SUZ12: variants seen among roughly 807,000 people sequenced by gnomAD.
The protein encoded by SUZ12 is SUZ12 polycomb repressive complex 2 subunit.
SUZ12 carries 17 observed loss-of-function variants against 87.3 expected under a neutral mutation model. The observed-to-expected ratio is 0.19, with a 90% CI of 0.13 to 0.29. SUZ12 has a LOEUF of 0.29. Ranked by LOEUF, SUZ12 falls within the 10% of genes least tolerant of loss-of-function variation. The pLI is 1.00. For synonymous variants in SUZ12, 253 were observed against 312.4 expected (o/e 0.81, Z 2.01); for missense variants, 526 against 912.2 (o/e 0.58, Z 5.45).
intron 1 of SUZ12, among the ~76,000 whole-genome samples, chr17:31,938,586 G>A (rs537949272): frequency 1.7e-4 from 26 of 152,310 alleles, no homozygotes; most frequent in African/African-American, 5.8e-4. Flanking sequence ...TATTGAACCT[G>A]CTTCAGAGAG....
In SUZ12 at chr17:31,937,428, C is replaced by A. The variant is rs746893649; in HGVS notation, c.182C>A (p.Ala61Glu). The A allele has an allele frequency of 1.9e-6, 3 of 1,542,666 alleles. No individual in the cohort carries two copies. The highest frequency in any genetic ancestry group is 8.7e-7 in the Non-Finnish European group (1 of 1,144,862). The change falls in exon 1 of 16, where the codon GCG (alanine) becomes GAG (glutamate). Residue 61 changes from alanine to glutamate, a missense_variant. This residue lies in a region of SUZ12 where 92 missense variants were observed against 109.9 expected (regional missense o/e 0.84). Transcript: ENST00000322652. ...SYSASSSSSA[A>E]AAAGAAVLPV... ...TCGGCCTCCTCCTCCTCCTCCGCGG[C>A]GGCAGCGGCGGGGGCTGCGGTGTTA...
chr17:31,984,143 C>T (rs1410508033), intron 9 of SUZ12, among the ~76,000 whole-genome samples: 1 of 152,090 alleles, frequency 6.6e-6, no homozygotes, highest in Non-Finnish European at 1.5e-5. Flanking sequence ...TACAGTAGTA[C>T]ATACCATAAA....
At chr17:31,996,899 T>G (rs755999534) in intron 15 of SUZ12, 22 bp downstream of exon 15, 9 of 1,352,440 alleles carry the variant, frequency 6.7e-6, no homozygotes, top group Non-Finnish European at 8.8e-6. Flanking sequence ...CTAAATTAAT[T>G]TAAATATTTT....
Position 32,000,137 on chromosome 17 carries a change from C to T in SUZ12, c.*1134C>T, listed in dbSNP as rs1188899309. The T allele has an allele frequency of 1.3e-5, 3 of 233,232 alleles. No homozygotes were observed. Among genetic ancestry groups the T allele is most frequent in the Non-Finnish European group, 2.5e-5 (3 of 117,902 alleles). The allele number at this position is 233,232 out of a possible 1,614,324, so 14.4% of individuals were successfully genotyped here. ...AAGCACCAATAGGTTTTTATTCCAA[C>T]TCCGAGCACTGTGGTTGAGTAACAT... On this transcript the variant is annotated 3_prime_UTR_variant, in exon 16 of 16. Coordinates refer to ENST00000322652, the MANE Select transcript of SUZ12 (RefSeq NM_015355.4).
intron 7 of SUZ12, 53 bp from the exon 8 acceptor site, chr17:31,976,466 CAT>C: frequency 2.3e-5 from 25 of 1,079,748 alleles, no homozygotes; most frequent in Non-Finnish European, 2.8e-5. Flanking sequence ...GACCATATAT[CAT>C]AACACATTTT....
intron 4 of SUZ12, among the ~76,000 whole-genome samples, chr17:31,952,341 T>C (rs748238100): frequency 3.9e-5 from 6 of 152,176 alleles, no homozygotes; most frequent in Non-Finnish European, 7.3e-5. Context: ...ATTACAGGTG[T>C]GAGCCACCAC....
chr17:31,983,838 T>C (rs546483114), intron 9 of SUZ12, among the ~76,000 whole-genome samples: 1 of 152,232 alleles, frequency 6.6e-6, no homozygotes, highest in Non-Finnish European at 1.5e-5. Flanking sequence ...AGTAATACAT[T>C]TATCAAGAAA....
intron 10 of SUZ12, among the ~76,000 whole-genome samples, chr17:31,989,777 T>C (rs1462434764): frequency 6.7e-6 from 1 of 148,968 alleles, no homozygotes; most frequent in African/African-American, 2.5e-5. Flanking sequence ...TTTTTTTTTT[T>C]TTTTTGTATT....
chr17:31,942,321 GT>G (rs966460926), intron 3 of SUZ12, among the ~76,000 whole-genome samples: 5 of 147,486 alleles, frequency 3.4e-5, no homozygotes, highest in African/African-American at 5.0e-5. Context: ...TATATCTTTG[GT>G]TTTTTTTTTG....
intron 4 of SUZ12, among the ~76,000 whole-genome samples, chr17:31,957,925 C>G (rs1907459669): frequency 3.4e-5 from 3 of 88,496 alleles, no homozygotes; most frequent in African/African-American, 8.0e-5. Flanking sequence ...TTTTTTGAGA[C>G]AGAGTCTTGC....
intron 4 of SUZ12, among the ~76,000 whole-genome samples, chr17:31,950,300 A>G (rs1906888040): frequency 6.6e-6 from 1 of 152,174 alleles, no homozygotes; most frequent in Non-Finnish European, 1.5e-5. Flanking sequence ...TCCTAAACCT[A>G]TCACACAGGG....
intron 3 of SUZ12, among the ~76,000 whole-genome samples, chr17:31,944,165 G>A (rs1040237139): frequency 6.6e-6 from 1 of 151,742 alleles, no homozygotes; most frequent in Non-Finnish European, 1.5e-5. Flanking sequence ...TTTCGCTCTT[G>A]TTGCCCAGGC....
intron 15 of SUZ12, 131 bp from the exon 16 acceptor site, chr17:31,998,527 A>C (rs958424246): frequency 1.9e-5 from 12 of 635,976 alleles, no homozygotes; most frequent in Non-Finnish European, 2.9e-5. Flanking sequence ...CAGTTTCTCT[A>C]TAGTTTTACT....
intron 5 of SUZ12, among the ~76,000 whole-genome samples, chr17:31,970,212 A>G (rs753488096): frequency 6.6e-6 from 1 of 152,248 alleles, no homozygotes; most frequent in African/African-American, 2.4e-5. Flanking sequence ...TTGTTACTGC[A>G]TTTAGACATT....
At chr17:31,986,184 C>T (rs1909409410) in intron 9 of SUZ12, among the ~76,000 whole-genome samples, 1 of 152,216 alleles carries the variant, frequency 6.6e-6, no homozygotes. Context: ...TAAGGTTTTC[C>T]ACCCACTTCG....
At chr17:31,987,485 G>A (rs501957) in intron 9 of SUZ12, among the ~76,000 whole-genome samples, 16,244 of 152,080 alleles carry the variant, frequency 0.11, 1,066 homozygotes, top group Middle Eastern at 0.15. Flanking sequence ...ATCAAAGAAG[G>A]GAAGCACTGG....
At chr17:31,984,088 T>A (rs978120238) in intron 9 of SUZ12, among the ~76,000 whole-genome samples, 6 of 152,230 alleles carry the variant, frequency 3.9e-5, no homozygotes, top group African/African-American at 1.2e-4. Flanking sequence ...TTTAGAAAAA[T>A]ATTTTGAGAA....
intron 5 of SUZ12, among the ~76,000 whole-genome samples, chr17:31,967,938 G>A (rs552947889): frequency 2.6e-5 from 4 of 152,276 alleles, no homozygotes; most frequent in African/African-American, 7.2e-5. Flanking sequence ...AGGCTGAGAT[G>A]GAAGAATAGC....
At chr17:31,958,817 T>G (rs535756324) in intron 4 of SUZ12, among the ~76,000 whole-genome samples, 1 of 150,050 alleles carries the variant, frequency 6.7e-6, no homozygotes, top group Non-Finnish European at 1.5e-5. Flanking sequence ...CTGCACTCCA[T>G]CCTGGCTACA....
Sources: gnomAD v4.1 joint callset for allele counts (sites outside exome capture counted in the v4.1 genomes callset) on GRCh38, gnomAD v4.1.1 for gene constraint, gnomAD v4.1.1 regional missense constraint, MANE v1.5 for transcripts, NCBI Gene and HGNC (gene_info 2026-07-23, HGNC 2026-07-21) for gene names.